CTNNA2: variants seen among roughly 807,000 people sequenced by gnomAD.
The protein encoded by CTNNA2 is catenin alpha 2.
In CTNNA2, 42 loss-of-function variants were observed where a neutral mutation model predicts 101.0. That is an observed-to-expected ratio of 0.42 (90% CI 0.32 to 0.54). The LOEUF is 0.54. Ranked by LOEUF, CTNNA2 falls within the 20% of genes least tolerant of loss-of-function variation. CTNNA2 has a pLI of 0.14. For missense variants in CTNNA2, 871 were observed against 1,223.1 expected, an observed-to-expected ratio of 0.71 and a Z score of 4.29; for synonymous variants, 450 against 456.4, an observed-to-expected ratio of 0.99 and a Z score of 0.18.
At chr2:79,975,789 CCT>C (rs767319892) in intron 7 of CTNNA2, among the ~76,000 whole-genome samples, 20 of 152,290 alleles carry the variant, frequency 1.3e-4, no homozygotes, top group Non-Finnish European at 2.1e-4. Context: ...GCTCCTATGC[CCT>C]CTGTAGGCGC....
intron 14 of CTNNA2, among the ~76,000 whole-genome samples, chr2:80,584,765 A>T (rs1695830317): frequency 1.3e-5 from 2 of 152,164 alleles, no homozygotes; most frequent in South Asian, 4.1e-4. Flanking sequence ...GATAAAATGT[A>T]TCACAGGATT....
intron 3 of CTNNA2, among the ~76,000 whole-genome samples, chr2:79,800,030 G>T (rs577592081): frequency 1.3e-5 from 2 of 152,224 alleles, no homozygotes; most frequent in South Asian, 4.1e-4. Flanking sequence ...CATTGCATAA[G>T]ATTTTTTTCC....
At chr2:79,622,342 C>A (rs1230192723) in intron 1 of CTNNA2, among the ~76,000 whole-genome samples, 1 of 152,036 alleles carries the variant, frequency 6.6e-6, no homozygotes, top group Admixed American at 6.6e-5. Context: ...ATTTTCAATC[C>A]TTTTAAGCTG....
intron 3 of CTNNA2, among the ~76,000 whole-genome samples, chr2:79,853,422 T>C (rs1417169520): frequency 2.6e-5 from 4 of 152,162 alleles, no homozygotes; most frequent in African/African-American, 9.7e-5. Context: ...AGGTTTTCAT[T>C]TTCTTCACCC....
intron 7 of CTNNA2, among the ~76,000 whole-genome samples, chr2:80,004,545 T>A (rs545965892): frequency 2.6e-5 from 4 of 152,296 alleles, no homozygotes; most frequent in African/African-American, 9.6e-5. Context: ...TTTTCTAATT[T>A]TATCTTCTTG....
At chr2:80,546,286 A>G (rs554730385) in intron 11 of CTNNA2, among the ~76,000 whole-genome samples, 5 of 152,332 alleles carry the variant, frequency 3.3e-5, no homozygotes, top group Admixed American at 6.5e-5. Flanking sequence ...GGAATACATT[A>G]TTTAAGGTGG....
At chr2:80,517,091 T>TG (rs1333276050) in intron 9 of CTNNA2, among the ~76,000 whole-genome samples, 1 of 152,122 alleles carries the variant, frequency 6.6e-6, no homozygotes, top group Non-Finnish European at 1.5e-5. Flanking sequence ...TAAAAAGAGA[T>TG]GGATGGGAAC....
intron 1 of CTNNA2, 97 bp from the exon 2 acceptor site, chr2:79,651,455 A>G (rs1681242455): frequency 1.8e-6 from 2 of 1,135,160 alleles, no homozygotes; most frequent in South Asian, 2.7e-5. Context: ...ATCTTCCAGT[A>G]TGTTCTAAGT....
intron 4 of CTNNA2, among the ~76,000 whole-genome samples, chr2:79,488,024 T>C (rs1337958848): frequency 1.3e-5 from 2 of 152,016 alleles, no homozygotes; most frequent in South Asian, 4.2e-4. Flanking sequence ...ATTTTTAAAG[T>C]GAAAAATCTG....
Position 79,315,228 on chromosome 2 carries a change from A to T in CTNNA2, c.-318+2432A>T, listed in dbSNP as rs531453553. Among the ~76,000 whole-genome samples, 281 of 152,260 alleles carry T rather than the reference A, an allele frequency of 1.8e-3. 3 individuals are homozygous for T. Among genetic ancestry groups the T allele is most frequent in the African/African-American group, 6.7e-3 (277 of 41,550 alleles). On this transcript the variant is annotated intron_variant, in intron 3 of 21. Transcript: ENST00000466387. ...TTTCTTGACTTATTTGACTGAAAAA[A>T]TTGTTAATAGATTTATTGAGATATA...
At chr2:79,863,186 G>A (rs114535421) in intron 4 of CTNNA2, among the ~76,000 whole-genome samples, 1 of 151,980 alleles carries the variant, frequency 6.6e-6, no homozygotes, top group African/African-American at 2.4e-5. Context: ...GGCACAATTG[G>A]CCTCTCAGTC....
rs573507059 is a variant in CTNNA2 at position 80,582,983 on chromosome 2, C to T, written c.2007+1164C>T. ...ATTCTCACTCAACAATCAAGTGACC[C>T]AAAAGATATAAACAAACATTAATAG... On this transcript the variant is annotated intron_variant, in intron 14 of 18. Transcript: ENST00000402739. Among the ~76,000 whole-genome samples the T allele has an allele frequency of 8.5e-5, 13 of 152,082 alleles. 1 individual carries two copies. The South Asian group carries it at 2.7e-3, about 32-fold the overall frequency.
chr2:79,778,499 GA>G (rs957118828), intron 3 of CTNNA2, among the ~76,000 whole-genome samples: 2 of 151,490 alleles, frequency 1.3e-5, no homozygotes, highest in African/African-American at 4.9e-5. Context: ...GAATTCATGG[GA>G]AAAAAAACCT....
At chr2:80,523,561 C>T (rs1279346352) in intron 9 of CTNNA2, among the ~76,000 whole-genome samples, 1 of 152,158 alleles carries the variant, frequency 6.6e-6, no homozygotes, top group Non-Finnish European at 1.5e-5. Context: ...TTTATGCCAC[C>T]ATGGGGTCTT....
At chr2:79,914,104 T>A (rs1686009616) in intron 7 of CTNNA2, among the ~76,000 whole-genome samples, 1 of 146,456 alleles carries the variant, frequency 6.8e-6, no homozygotes. Context: ...GAGGCGGAGC[T>A]TGCAGTGAGC....
intron 6 of CTNNA2, among the ~76,000 whole-genome samples, chr2:79,893,483 A>G (rs11680159): frequency 0.19 from 29,221 of 152,026 alleles, 3,005 homozygotes; most frequent in Non-Finnish European, 0.22. Flanking sequence ...AACAAAATGT[A>G]TGCTATACAT....
intron 6 of CTNNA2, among the ~76,000 whole-genome samples, chr2:79,874,790 A>G (rs1682882074): frequency 6.6e-6 from 1 of 152,154 alleles, no homozygotes; most frequent in African/African-American, 2.4e-5. Flanking sequence ...CCTGGGCAAC[A>G]ACAGCAAAAC....
At chr2:79,508,493 GA>G (rs142058490), upstream of CTNNA2, among the ~76,000 whole-genome samples, 381 of 152,108 alleles carry the variant, frequency 2.5e-3, 8 homozygotes, top group East Asian at 0.047. Context: ...ATTACTATGA[GA>G]AGACATATTA....
At chr2:79,942,802 C>A (rs1341496432) in intron 7 of CTNNA2, among the ~76,000 whole-genome samples, 2 of 152,076 alleles carry the variant, frequency 1.3e-5, no homozygotes, top group Non-Finnish European at 2.9e-5. Flanking sequence ...CCTATCCTTG[C>A]ATGCAGGAAA....
Sources: allele counts gnomAD v4.1 joint callset (sites outside exome capture counted in the v4.1 genomes callset), GRCh38; gene constraint gnomAD v4.1.1; transcripts MANE v1.5; gene names NCBI Gene and HGNC (gene_info 2026-07-23, HGNC 2026-07-21).